MAMLD1: variants seen among roughly 807,000 people sequenced by gnomAD.
MAMLD1 encodes the protein mastermind-like domain-containing protein 1.
Under a neutral mutation model 45.0 loss-of-function variants are expected in MAMLD1, and 14 were observed. That is an observed-to-expected ratio of 0.31 (90% confidence interval 0.21 to 0.49). MAMLD1 has a LOEUF of 0.49. Among genes scored for constraint, MAMLD1 ranks in the 20% least tolerant of loss-of-function variants. The pLI, the probability that MAMLD1 is intolerant of heterozygous loss-of-function variation, is 0.99. For missense variants in MAMLD1, 543 were observed against 603.6 expected (o/e 0.90, Z 1.05); for synonymous variants, 254 against 247.8 (o/e 1.02, Z -0.24).
At chrX:150,371,686 T>C (rs1196782627) in intron 1 of MAMLD1, among the ~76,000 whole-genome samples, 2 of 112,286 alleles carry the variant, frequency 1.8e-5, no homozygotes, top group African/African-American at 6.5e-5. Context: ...TTTCTATTTT[T>C]TCCTGCATTT....
intron 1 of MAMLD1, among the ~76,000 whole-genome samples, chrX:150,370,216 C>T (rs782341191): frequency 9.1e-6 from 1 of 109,827 alleles, no homozygotes; most frequent in Non-Finnish European, 1.9e-5. Flanking sequence ...ACACCTCTCA[C>T]AACGCCACCG....
At position 150,451,630 on chromosome X, in the gene MAMLD1, G is replaced by A. The variant is rs180740383; in HGVS notation, c.96+6018G>A. Among the ~76,000 whole-genome samples the A allele has an allele frequency of 9.9e-5, 11 of 111,540 alleles. No homozygotes were observed. The East Asian group carries it at 1.7e-3, about 17-fold the overall frequency. ...ATTTGGGCAACAAATTTTGATTTCC[G>A]CAGTTGATATAGAATAATTTGTTGG... On this transcript the variant is annotated intron_variant, in intron 2 of 7. Transcript: ENST00000370401.
intron 1 of MAMLD1, among the ~76,000 whole-genome samples, chrX:150,403,933 A>G (rs2033894684): frequency 1.2e-5 from 1 of 84,558 alleles, no homozygotes; most frequent in African/African-American, 4.6e-5. Flanking sequence ...AAGACAGAGA[A>G]AGAAAGAAAA....
intron 5 of MAMLD1, among the ~76,000 whole-genome samples, chrX:150,482,469 C>T (rs782751164): frequency 5.3e-5 from 6 of 112,506 alleles, no homozygotes; most frequent in Non-Finnish European, 9.4e-5. Flanking sequence ...TGTGAGTGCA[C>T]TTAATGCCAC....
At chrX:150,439,307 T>A (rs1409643417) in intron 1 of MAMLD1, among the ~76,000 whole-genome samples, 2 of 112,278 alleles carry the variant, frequency 1.8e-5, no homozygotes, top group Non-Finnish European at 3.8e-5. Context: ...ATTTTCTTGA[T>A]AACGTCCTTT....
intron 1 of MAMLD1, among the ~76,000 whole-genome samples, chrX:150,400,659 T>C (rs1208228702): frequency 8.9e-6 from 1 of 111,754 alleles, no homozygotes; most frequent in Non-Finnish European, 1.9e-5. Context: ...TGAGAGTTTT[T>C]AGCATGAAGC....
chrX:150,381,059 T>G (rs1034079592), intron 1 of MAMLD1, among the ~76,000 whole-genome samples: 11 of 110,787 alleles, frequency 9.9e-5, no homozygotes, highest in Non-Finnish European at 2.1e-4. Flanking sequence ...CAAATGTTCA[T>G]CTTGCTCCAG....
At chrX:150,464,121 G>A (rs2036141209) in intron 3 of MAMLD1, among the ~76,000 whole-genome samples, 1 of 111,638 alleles carries the variant, frequency 9.0e-6, no homozygotes, top group Non-Finnish European at 1.9e-5. Context: ...TCAGGGAGGG[G>A]AGTGGCTTGC....
chrX:150,504,564 C>A, intron 6 of MAMLD1: 1 of 524,808 alleles, frequency 1.9e-6, no homozygotes. Flanking sequence ...GAAATCTTGT[C>A]CAGCACAAAG....
intron 5 of MAMLD1, among the ~76,000 whole-genome samples, chrX:150,490,143 G>A (rs2037136980): frequency 8.9e-6 from 1 of 111,881 alleles, no homozygotes; most frequent in South Asian, 3.7e-4. Flanking sequence ...GTTTCCCATG[G>A]CAGGAGATGT....
At chrX:150,504,061 T>A (rs1230651722) in intron 6 of MAMLD1, 4 of 752,522 alleles carry the variant, frequency 5.3e-6, no homozygotes, top group Non-Finnish European at 4.7e-6. Context: ...TGGATTGCCC[T>A]GCTGGAGGAC....
At chrX:150,449,533 C>T (rs2035595882) in intron 2 of MAMLD1, among the ~76,000 whole-genome samples, 1 of 111,732 alleles carries the variant, frequency 8.9e-6, no homozygotes, top group Non-Finnish European at 1.9e-5. Context: ...GATTTGCGCC[C>T]ATCAGCTTTG....
rs1557405681 is a variant in MAMLD1 at position 150,462,782 on chromosome X, C to T, written c.107C>T (p.Pro36Leu). ...TACTCTCACCCCCAGGGAAAGAAGC[C>T]CTCGTGGATGGAGGAAGAAGATTTA... ...PRKLQESGKK[P>L]SWMEEEDLSF... is the part of the protein sequence containing the mutation. Residue 36 changes from proline to leucine, a missense_variant, in exon 3 of 8, where the codon CCC becomes CTC. By Grantham distance (98) the Pro-to-Leu change is moderately conservative. Coordinates refer to ENST00000370401, the MANE Select transcript of MAMLD1 (RefSeq NM_005491.5). 1.7e-6 allele frequency: 2 copies of T among 1,209,476 alleles called. No individual in the cohort carries two copies. The highest frequency in any genetic ancestry group is 2.2e-5 in the Admixed American group (1 of 46,048).
intron 5 of MAMLD1, among the ~76,000 whole-genome samples, chrX:150,477,173 G>A (rs1052013988): frequency 9.2e-5 from 10 of 109,058 alleles, no homozygotes; most frequent in African/African-American, 3.0e-4. Context: ...CCTTTTCCGC[G>A]GGGCAAGCGA....
At chrX:150,489,235 G>T (rs1557407804) in intron 5 of MAMLD1, among the ~76,000 whole-genome samples, 1 of 111,080 alleles carries the variant, frequency 9.0e-6, no homozygotes, top group Admixed American at 9.5e-5. Context: ...AGGCTGGGTG[G>T]CTTAGAGACA....
At chrX:150,446,044 C>A (rs1015080825) in intron 2 of MAMLD1, among the ~76,000 whole-genome samples, 2 of 111,619 alleles carry the variant, frequency 1.8e-5, no homozygotes, top group African/African-American at 6.5e-5. Context: ...AACTTTCTGG[C>A]CCTGTTGTCC....
upstream of MAMLD1, among the ~76,000 whole-genome samples, chrX:150,362,497 A>G (rs113906797): frequency 1.4e-3 from 137 of 94,575 alleles, no homozygotes; most frequent in Non-Finnish European, 2.5e-3. Context: ...CTCTACCTCT[A>G]TCTCCGCCGG....
intron 1 of MAMLD1, among the ~76,000 whole-genome samples, chrX:150,430,995 G>C (rs1281639281): frequency 8.9e-6 from 1 of 112,069 alleles, no homozygotes; most frequent in Non-Finnish European, 1.9e-5. Flanking sequence ...CTTGAATTTT[G>C]ATAAGAATTG....
chrX:150,367,828 C>T (rs1314015306), intron 1 of MAMLD1, among the ~76,000 whole-genome samples: 4 of 109,793 alleles, frequency 3.6e-5, no homozygotes, highest in South Asian at 4.0e-4. Flanking sequence ...TTTGTCCTTG[C>T]GATAGTTTGC....
Sources: allele counts gnomAD v4.1 joint callset (sites outside exome capture counted in the v4.1 genomes callset), GRCh38; gene constraint gnomAD v4.1.1; transcripts MANE v1.5; gene names NCBI Gene and HGNC (gene_info 2026-07-23, HGNC 2026-07-21).